The following GSE1 variants were observed in gnomAD, a reference collection of about 807,000 sequenced individuals.
The protein encoded by GSE1 is Gse1 coiled-coil protein, also known as genetic suppressor element 1.
A neutral mutation model predicts 112.6 loss-of-function variants in GSE1; 32 were observed. The observed-to-expected ratio is 0.28, with a 90% confidence interval of 0.21 to 0.38. The LOEUF (loss-of-function observed/expected upper bound fraction) is 0.38, where lower values mean the gene tolerates loss of function less well. Ranked by LOEUF, GSE1 falls within the 10% of genes least tolerant of loss-of-function variation. GSE1 has a pLI of 1.00. For synonymous variants in GSE1, 1,115 were observed against 735.6 expected, an observed-to-expected ratio of 1.52 and a Z score of -8.35; for missense variants, 2,348 against 1,699.2, an observed-to-expected ratio of 1.38 and a Z score of -6.71.
intron 1 of GSE1, among the ~76,000 whole-genome samples, chr16:85,354,591 C>T (rs140275465): frequency 0.017 from 2,589 of 152,336 alleles, 31 homozygotes; most frequent in Non-Finnish European, 0.027. Flanking sequence ...GAACCCTGGC[C>T]CCCCAGCTCC....
chr16:85,343,909 T>G (rs956563323), intron 1 of GSE1, among the ~76,000 whole-genome samples: 4 of 152,318 alleles, frequency 2.6e-5, no homozygotes, highest in South Asian at 2.1e-4. Context: ...GCTCCTCCCG[T>G]GCCACTTGCT....
chr16:85,386,208 C>T (rs1164019081), intron 2 of GSE1, among the ~76,000 whole-genome samples: 1 of 152,208 alleles, frequency 6.6e-6, no homozygotes, highest in Admixed American at 6.5e-5. Flanking sequence ...GCATTGTGGC[C>T]AGCAGAGCTG....
intron 1 of GSE1, among the ~76,000 whole-genome samples, chr16:85,206,738 T>G (rs1333719900): frequency 7.2e-6 from 1 of 139,678 alleles, no homozygotes; most frequent in Admixed American, 7.7e-5. Context: ...TCCCAGCGCC[T>G]CTTGGAGAAA....
intron 1 of GSE1, among the ~76,000 whole-genome samples, chr16:85,252,275 C>T (rs1906571999): frequency 6.6e-6 from 1 of 152,236 alleles, no homozygotes; most frequent in Admixed American, 6.5e-5. Context: ...ATCACCCGGC[C>T]TGGCTCTTGA....
chr16:85,505,367 C>T (rs920402782), intron 2 of GSE1, among the ~76,000 whole-genome samples: 1 of 152,204 alleles, frequency 6.6e-6, no homozygotes, highest in Admixed American at 6.5e-5. Flanking sequence ...CACACATGCC[C>T]ACATCAGTCA....
intron 2 of GSE1, among the ~76,000 whole-genome samples, chr16:85,388,068 A>ATGAG (rs2047731115): frequency 8.4e-6 from 1 of 118,628 alleles, no homozygotes; most frequent in African/African-American, 3.5e-5. Flanking sequence ...GGGTGAGTGG[A>ATGAG]TGGGTGGGTG....
intron 1 of GSE1, among the ~76,000 whole-genome samples, chr16:85,588,015 G>A (rs2046788431): frequency 6.6e-6 from 1 of 152,162 alleles, no homozygotes; most frequent in Non-Finnish European, 1.5e-5. Context: ...ACCGTCCCCC[G>A]CCTCTCTACA....
chr16:85,445,365 T>TG (rs1254180064), intron 2 of GSE1, among the ~76,000 whole-genome samples: 1 of 152,054 alleles, frequency 6.6e-6, no homozygotes, highest in African/African-American at 2.4e-5. Flanking sequence ...ACCGTGAACA[T>TG]GGGGGGCGGG....
intron 1 of GSE1, among the ~76,000 whole-genome samples, chr16:85,626,272 A>C (rs28483156): frequency 6.6e-6 from 1 of 151,996 alleles, no homozygotes; most frequent in African/African-American, 2.4e-5. Context: ...AGCTTGGAGC[A>C]CGTGGAGGGC....
At chr16:85,546,909 G>A (rs929049732) in intron 2 of GSE1, among the ~76,000 whole-genome samples, 8 of 152,206 alleles carry the variant, frequency 5.3e-5, no homozygotes, top group Admixed American at 1.3e-4. Flanking sequence ...CCACTTCCCC[G>A]GGCAGATGGC....
At position 85,442,441 on chromosome 16, in the gene GSE1, G is replaced by GATGAATGAATGA. The variant is rs57785914; in HGVS notation, c.2464+84816_2464+84827dup. ...TGGACAAATGTTTATTGAATGAATG[G>GATGAATGAATGA]ATGAATGAATGAATGAATGAATGAA... On this transcript the variant is annotated intron_variant, in intron 2 of 2. Transcript: ENST00000637419. Among the ~76,000 whole-genome samples, 1,419 of 150,456 alleles carry GATGAATGAATGA rather than the reference G, an allele frequency of 9.4e-3. 21 individuals carry two copies. The highest frequency in any genetic ancestry group is 0.031 in the African/African-American group (1,251 of 40,942).
chr16:85,274,492 G>C (rs1033475648), intron 1 of GSE1, among the ~76,000 whole-genome samples: 3 of 152,242 alleles, frequency 2.0e-5, no homozygotes, highest in African/African-American at 4.8e-5. Flanking sequence ...CCTAAAACCT[G>C]GCTCAGGCAT....
At chr16:85,623,585 A>G (rs2048875345) in intron 1 of GSE1, among the ~76,000 whole-genome samples, 1 of 152,150 alleles carries the variant, frequency 6.6e-6, no homozygotes, top group Non-Finnish European at 1.5e-5. Flanking sequence ...CACAGCTCTC[A>G]GCCTTCAGTG....
intron 2 of GSE1, among the ~76,000 whole-genome samples, chr16:85,445,771 G>A (rs2049495812): frequency 6.6e-6 from 1 of 152,188 alleles, no homozygotes; most frequent in African/African-American, 2.4e-5. Flanking sequence ...TGGGTGGCTG[G>A]CCTGCTCCCA....
At chr16:85,479,958 G>C (rs1048895775) in intron 2 of GSE1, among the ~76,000 whole-genome samples, 1 of 152,208 alleles carries the variant, frequency 6.6e-6, no homozygotes, top group South Asian at 2.1e-4. Flanking sequence ...CAGATCTGAG[G>C]ACCCAAAGCT....
At chr16:85,246,256 T>TAC (rs560365750) in intron 1 of GSE1, among the ~76,000 whole-genome samples, 13,443 of 86,296 alleles carry the variant, frequency 0.16, 1,114 homozygotes, top group South Asian at 0.29. Flanking sequence ...ACACGCTGTC[T>TAC]ACACACACAC....
intron 1 of GSE1, among the ~76,000 whole-genome samples, chr16:85,341,700 A>T (rs938897897): frequency 1.3e-5 from 2 of 151,354 alleles, no homozygotes; most frequent in African/African-American, 4.8e-5. Flanking sequence ...GGATGTTGCT[A>T]TGTTGCCCAG....
chr16:85,505,159 C>A (rs747890688), intron 2 of GSE1, among the ~76,000 whole-genome samples: 1 of 152,150 alleles, frequency 6.6e-6, no homozygotes, highest in African/African-American at 2.4e-5. Flanking sequence ...GACTCTCTGG[C>A]GCCCAGGGGA....
At chr16:85,605,490 C>T (rs1415256967) in intron 1 of GSE1, among the ~76,000 whole-genome samples, 1 of 152,110 alleles carries the variant, frequency 6.6e-6, no homozygotes, top group Non-Finnish European at 1.5e-5. Context: ...GCTCCAGCTT[C>T]GTCCCAGGCA....
Sources: allele counts gnomAD v4.1 joint callset (sites outside exome capture counted in the v4.1 genomes callset), GRCh38; gene constraint gnomAD v4.1.1; transcripts MANE v1.5; gene names NCBI Gene and HGNC (gene_info 2026-07-23, HGNC 2026-07-21).